The following ANKRD11 variants were observed in gnomAD, a reference collection of about 807,000 sequenced individuals.
ANKRD11 encodes ankyrin repeat domain 11, also known as ankyrin repeat domain-containing protein 11.
A neutral mutation model predicts 195.7 loss-of-function variants in ANKRD11; 17 were observed. The ratio of observed to expected loss-of-function variants is 0.09; its 90% confidence interval spans 0.06 to 0.13. The LOEUF (loss-of-function observed/expected upper bound fraction) is 0.13, where lower values mean the gene tolerates loss of function less well. ANKRD11 is among the 10% of genes least tolerant of loss of function. The pLI is 1.00. For synonymous variants in ANKRD11, 1,953 were observed against 1,528.1 expected (o/e 1.28, Z -6.49); for missense variants, 3,735 against 3,566.1 (o/e 1.05, Z -1.21).
chr16:89,295,126 G>C (rs1244606293), intron 4 of ANKRD11, among the ~76,000 whole-genome samples: 2 of 152,190 alleles, frequency 1.3e-5, no homozygotes, highest in African/African-American at 4.8e-5. Context: ...TGTGGCCCTG[G>C]GTGCCTCTGA....
intron 1 of ANKRD11, among the ~76,000 whole-genome samples, chr16:89,462,036 C>G (rs1333773120): frequency 1.4e-5 from 2 of 142,252 alleles, no homozygotes; most frequent in East Asian, 2.3e-4. Flanking sequence ...CTCCCTCCCC[C>G]TCTCCCTCTC....
chr16:89,308,610 C>T (rs914422222), intron 3 of ANKRD11, among the ~76,000 whole-genome samples: 1 of 152,202 alleles, frequency 6.6e-6, no homozygotes, highest in Non-Finnish European at 1.5e-5. Context: ...CTGCAGACCC[C>T]AGCAAACGCC....
chr16:89,307,924 CAT>C (rs2036388671), intron 3 of ANKRD11, among the ~76,000 whole-genome samples: 1 of 151,586 alleles, frequency 6.6e-6, no homozygotes, highest in African/African-American at 2.4e-5. Flanking sequence ...TTCTACCAAA[CAT>C]GTGAAGGTTC....
chr16:89,313,107 G>T (rs2151905294), intron 3 of ANKRD11, among the ~76,000 whole-genome samples: 1 of 152,292 alleles, frequency 6.6e-6, no homozygotes, highest in Middle Eastern at 3.4e-3. Flanking sequence ...CTGTGAATGT[G>T]GGTTCCTAAC....
intron 1 of ANKRD11, among the ~76,000 whole-genome samples, chr16:89,445,374 A>C (rs916732071): frequency 6.6e-6 from 1 of 152,136 alleles, no homozygotes; most frequent in Non-Finnish European, 1.5e-5. Flanking sequence ...AGGTTCAGGT[A>C]AACTAAGAGG....
chr16:89,474,661 C>G (rs758616123), intron 1 of ANKRD11, among the ~76,000 whole-genome samples: 3 of 152,082 alleles, frequency 2.0e-5, no homozygotes, highest in African/African-American at 4.8e-5. Context: ...CCACTGAGAC[C>G]AAGGCAGCCT....
At chr16:89,442,717 T>C (rs2043576352) in intron 1 of ANKRD11, among the ~76,000 whole-genome samples, 1 of 152,186 alleles carries the variant, frequency 6.6e-6, no homozygotes. Context: ...CCAGGAATGT[T>C]GCTGGAACCC....
At chr16:89,338,881 G>A (rs2038516236) in intron 2 of ANKRD11, among the ~76,000 whole-genome samples, 1 of 152,098 alleles carries the variant, frequency 6.6e-6, no homozygotes. Flanking sequence ...AATACTTGGA[G>A]CAAAATAAGC....
chr16:89,301,362 T>C, intron 4 of ANKRD11: 1 of 393,676 alleles, frequency 2.5e-6, no homozygotes, highest in Admixed American at 4.4e-5. Flanking sequence ...TATAATTTAA[T>C]ATGAATGCTT....
Position 89,290,632 on chromosome 16 carries a change from G to A in ANKRD11, c.594C>T (p.Asp198=). Residue 198 remains aspartate, a synonymous_variant, in exon 6 of 13, where the codon GAC becomes GAT. Coordinates refer to ENST00000301030, the MANE Select transcript of ANKRD11 (RefSeq NM_013275.6). ...ISEGADVNVK[D]FAGWTALHEA... ...CAGGCACAGGGTGCCCACCTGCGAAGTCCTTGACGTTGACGTCTGCCCCCT... is the reference window on the plus strand; with the variant it reads ...CAGGCACAGGGTGCCCACCTGCGAAATCCTTGACGTTGACGTCTGCCCCCT... 2.5e-6 allele frequency: 4 copies of A among 1,612,850 alleles called. No individual in the cohort carries two copies. The highest frequency in any genetic ancestry group is 3.4e-6 in the Non-Finnish European group (4 of 1,179,984).
At position 89,334,148 on chromosome 16, in the gene ANKRD11, A is replaced by AG. The variant is rs1443714098; in HGVS notation, c.-59-17071_-59-17070insC. 3.2e-5 allele frequency among the ~76,000 whole-genome samples: 4 copies of AG among 123,706 alleles called. 1 individual carries two copies. The East Asian group carries it at 9.6e-4, about 30-fold the overall frequency. 81.2% of individuals were successfully genotyped at this position (123,706 alleles called of 152,430 possible). A position where few individuals can be genotyped will look rare whatever the true frequency, so the allele number is the denominator to read the frequency against. On this transcript the variant is annotated intron_variant, in intron 2 of 12. Transcript: ENST00000301030. ...ACATGATGAAACCCTGTGTTTTAAA[A>AG]AAAAAAAAAAAAAAAAAAAAAAAAA... is the stretch of plus-strand genomic sequence containing the variant.
At chr16:89,406,481 C>T (rs757983534) in intron 2 of ANKRD11, among the ~76,000 whole-genome samples, 56 of 152,208 alleles carry the variant, frequency 3.7e-4, no homozygotes, top group Non-Finnish European at 6.6e-4. Flanking sequence ...CCACCGTGCA[C>T]CGTGACAAGA....
At position 89,285,290 on chromosome 16, in the gene ANKRD11, C is replaced by T. The variant is rs776492699; in HGVS notation, c.1252G>A (p.Val418Ile). ...AGCTTCTCTCCTGTCCCCACGGTGACACTCGCGTCCTCCTCGTCCGACGTG... is the reference window on the plus strand; with the variant it reads ...AGCTTCTCTCCTGTCCCCACGGTGATACTCGCGTCCTCCTCGTCCGACGTG... Reference protein sequence around the residue: ...SDTSDEEDASVTVGTGEKLRL... With the variant: ...SDTSDEEDASITVGTGEKLRL... The change falls in exon 9 of 13, where the codon GTC becomes ATC. Residue 418 changes from valine (V) to isoleucine (I), a missense_variant. Physicochemically the swap from Val to Ile is conservative, Grantham distance 29. Transcript: ENST00000301030. The surrounding 1 kb of genome is among the most constrained non-coding windows in gnomAD (Gnocchi z 5.6). 2.5e-6 allele frequency: 4 copies of T among 1,613,950 alleles called. No homozygotes were observed. In the South Asian group the frequency reaches 3.3e-5, roughly 13 times the overall value.
chr16:89,294,133 G>T (rs748100872), intron 4 of ANKRD11, among the ~76,000 whole-genome samples: 1 of 152,156 alleles, frequency 6.6e-6, no homozygotes, highest in Non-Finnish European at 1.5e-5. Context: ...TCCCCACCAG[G>T]CCCTCCCTCT....
At chr16:89,381,148 C>T (rs1434397478) in intron 2 of ANKRD11, among the ~76,000 whole-genome samples, 1 of 151,982 alleles carries the variant, frequency 6.6e-6, no homozygotes, top group East Asian at 1.9e-4. Context: ...CATGGCGAAA[C>T]CCTATTTCTA....
At chr16:89,439,772 A>G (rs1366520490) in intron 1 of ANKRD11, among the ~76,000 whole-genome samples, 1 of 152,190 alleles carries the variant, frequency 6.6e-6, no homozygotes, top group African/African-American at 2.4e-5. Context: ...GGTGTTCTCA[A>G]CACAACTCCG....
intron 2 of ANKRD11, among the ~76,000 whole-genome samples, chr16:89,361,942 C>CA (rs2039750346): frequency 6.6e-6 from 1 of 152,206 alleles, no homozygotes; most frequent in Non-Finnish European, 1.5e-5. Context: ...TGAGCTGGCA[C>CA]AGCCTTGCAA....
At chr16:89,326,786 A>G (rs1269134496) in intron 2 of ANKRD11, among the ~76,000 whole-genome samples, 1 of 152,168 alleles carries the variant, frequency 6.6e-6, no homozygotes, top group East Asian at 1.9e-4. Flanking sequence ...CCGGGGCATG[A>G]AAAAGTGCTT....
chr16:89,307,471 G>A (rs1053197704), intron 3 of ANKRD11, among the ~76,000 whole-genome samples: 5 of 152,210 alleles, frequency 3.3e-5, no homozygotes, highest in African/African-American at 1.2e-4. Context: ...AAGCTGCCAA[G>A]CAGACCGGAG....
Sources: gnomAD v4.1 joint callset for allele counts (sites outside exome capture counted in the v4.1 genomes callset) on GRCh38, gnomAD v4.1.1 for gene constraint, Gnocchi (gnomAD v3.1) non-coding constraint, MANE v1.5 for transcripts, NCBI Gene and HGNC (gene_info 2026-07-23, HGNC 2026-07-21) for gene names.